Variants in GRM1 observed in about 807,000 individuals in gnomAD.
GRM1 encodes the protein glutamate metabotropic receptor 1.
Under a neutral mutation model 90.9 loss-of-function variants are expected in GRM1, and 33 were observed. That is an observed-to-expected ratio of 0.36 (90% CI 0.28 to 0.49). The LOEUF is 0.49. GRM1 is among the 20% of genes least tolerant of loss of function. The probability of loss-of-function intolerance (pLI) is 0.99; values close to 1 mark genes in which losing one functional copy is unlikely to be tolerated. For synonymous variants in GRM1, 700 were observed against 613.2 expected, an observed-to-expected ratio of 1.14 and a Z score of -2.09; for missense variants, 1,190 against 1,534.3, an observed-to-expected ratio of 0.78 and a Z score of 3.75.
chr6:146,060,691 A>C (rs1775635936), intron 1 of GRM1, among the ~76,000 whole-genome samples: 1 of 152,124 alleles, frequency 6.6e-6, no homozygotes, highest in African/African-American at 2.4e-5. Context: ...TACTATTGTG[A>C]ATAGAACTGT....
chr6:146,295,501 G>A (rs1435004772), intron 2 of GRM1, among the ~76,000 whole-genome samples: 2 of 151,932 alleles, frequency 1.3e-5, no homozygotes, highest in Non-Finnish European at 2.9e-5. Context: ...CCAAAGTGCT[G>A]GGATTAAAGG....
At chr6:146,115,757 T>C (rs1018717116) in intron 1 of GRM1, among the ~76,000 whole-genome samples, 2 of 152,204 alleles carry the variant, frequency 1.3e-5, no homozygotes, top group Non-Finnish European at 2.9e-5. Context: ...TTGATTTTGA[T>C]TGGATATTCT....
At chr6:146,297,786 G>T (rs1783234769) in intron 2 of GRM1, among the ~76,000 whole-genome samples, 1 of 152,126 alleles carries the variant, frequency 6.6e-6, no homozygotes, top group Admixed American at 6.5e-5. Context: ...CTGACAACCT[G>T]GTTGGCATCT....
At chr6:146,047,056 C>A (rs928569485) in intron 1 of GRM1, among the ~76,000 whole-genome samples, 2 of 151,912 alleles carry the variant, frequency 1.3e-5, no homozygotes, top group Admixed American at 1.3e-4. Context: ...AACAGGTATG[C>A]AGAGAATGGT....
In GRM1 at chr6:146,159,604, T is replaced by TTCTCTCTCTCTCTCTC. The variant is rs72225459; in HGVS notation, c.950+30_950+45dup. ...AGTTCTCACTCATTGGAAGGTAAGT[T>TTCTCTCTCTCTCTCTC]TCTCTCTCTCTCTCTCTCTCTCTCT... is the stretch of plus-strand genomic sequence containing the variant. On this transcript the variant is annotated splice_region_variant and intron_variant, in intron 2 of 7. Coordinates refer to ENST00000282753, the MANE Select transcript of GRM1 (RefSeq NM_001278064.2). 2 of 1,211,360 alleles carry TTCTCTCTCTCTCTCTC rather than the reference T, an allele frequency of 1.7e-6. No homozygotes were observed. The highest frequency in any genetic ancestry group is 1.2e-6 in the Non-Finnish European group (1 of 839,826). The allele number at this position is 1,211,360 out of a possible 1,614,324, so 75.0% of individuals were successfully genotyped here.
chr6:146,312,069 C>T (rs1031495113), intron 3 of GRM1, among the ~76,000 whole-genome samples: 7 of 152,050 alleles, frequency 4.6e-5, no homozygotes, highest in Admixed American at 1.3e-4. Flanking sequence ...AGGCCTGGTG[C>T]GGTGGCTCAC....
chr6:146,189,415 T>G (rs1423094519), intron 2 of GRM1, among the ~76,000 whole-genome samples: 6 of 152,322 alleles, frequency 3.9e-5, no homozygotes, highest in Non-Finnish European at 8.8e-5. Context: ...ATTCTGATTC[T>G]AAATATGAGC....
intron 1 of GRM1, among the ~76,000 whole-genome samples, chr6:146,139,685 CT>C (rs1776762520): frequency 1.3e-5 from 2 of 152,090 alleles, no homozygotes; most frequent in African/African-American, 4.8e-5. Flanking sequence ...TATTTTTAGT[CT>C]GTGTGTGTCT....
chr6:146,033,317 A>G (rs1291290939), intron 1 of GRM1, among the ~76,000 whole-genome samples: 1 of 152,152 alleles, frequency 6.6e-6, no homozygotes, highest in Non-Finnish European at 1.5e-5. Context: ...ACTGATAAGA[A>G]TATCTCAGCC....
chr6:146,040,321 G>C (rs1791052417), intron 1 of GRM1, among the ~76,000 whole-genome samples: 1 of 151,932 alleles, frequency 6.6e-6, no homozygotes, highest in African/African-American at 2.4e-5. Context: ...CACAACAACA[G>C]TGTTAGAATG....
At chr6:146,401,410 A>G (rs183746145) in intron 7 of GRM1, among the ~76,000 whole-genome samples, 4 of 152,312 alleles carry the variant, frequency 2.6e-5, no homozygotes, top group Non-Finnish European at 5.9e-5. Flanking sequence ...AAGCAAACCA[A>G]CAGTGCCACG....
At chr6:146,113,909 T>G (rs1775651125) in intron 1 of GRM1, among the ~76,000 whole-genome samples, 1 of 152,114 alleles carries the variant, frequency 6.6e-6, no homozygotes, top group Non-Finnish European at 1.5e-5. Flanking sequence ...CTTGCTTAAT[T>G]CTTTGCACAC....
chr6:146,052,465 G>C (rs1391221787), intron 1 of GRM1, among the ~76,000 whole-genome samples: 4 of 151,958 alleles, frequency 2.6e-5, no homozygotes, highest in African/African-American at 9.7e-5. Flanking sequence ...CCTTCCCATG[G>C]GGAGAAGGAT....
At chr6:146,320,291 G>A (rs1203902218) in intron 3 of GRM1, among the ~76,000 whole-genome samples, 2 of 152,164 alleles carry the variant, frequency 1.3e-5, no homozygotes, top group African/African-American at 4.8e-5. Context: ...TGTTGAACCA[G>A]CCTTGCATAC....
At chr6:146,050,598 A>G (rs1212005128) in intron 1 of GRM1, among the ~76,000 whole-genome samples, 4 of 152,060 alleles carry the variant, frequency 2.6e-5, no homozygotes, top group Admixed American at 2.0e-4. Context: ...AAGAAAAGCT[A>G]TATCTTCTCT....
intron 3 of GRM1, among the ~76,000 whole-genome samples, chr6:146,309,075 G>A (rs957978756): frequency 6.6e-6 from 1 of 151,990 alleles, no homozygotes; most frequent in African/African-American, 2.4e-5. Flanking sequence ...ATTTCTAGAA[G>A]TTAAATTTCT....
intron 1 of GRM1, among the ~76,000 whole-genome samples, chr6:146,048,427 G>C (rs143458890): frequency 2.0e-3 from 310 of 152,084 alleles, no homozygotes; most frequent in African/African-American, 6.9e-3. Context: ...GTTTTTGAGT[G>C]ATTCCAAAAC....
At chr6:146,139,975 CGCTTCCCT>C (rs1776786764) in intron 1 of GRM1, among the ~76,000 whole-genome samples, 1 of 97,096 alleles carries the variant, frequency 1.0e-5, no homozygotes, top group Admixed American at 1.1e-4. Context: ...CCCTTCCCTC[CGCTTCCCT>C]CCGCTTCCCT....
intron 2 of GRM1, among the ~76,000 whole-genome samples, chr6:146,216,737 C>G (rs1029969490): frequency 3.5e-4 from 53 of 152,294 alleles, no homozygotes; most frequent in African/African-American, 1.2e-3. Context: ...CTTTCAGGAG[C>G]CACCTCACAC....
Sources: gnomAD v4.1 joint callset for allele counts (sites outside exome capture counted in the v4.1 genomes callset) on GRCh38, gnomAD v4.1.1 for gene constraint, MANE v1.5 for transcripts, NCBI Gene and HGNC (gene_info 2026-07-23, HGNC 2026-07-21) for gene names.